The following RARB variants were observed in gnomAD, a reference collection of about 807,000 sequenced individuals.
The protein encoded by RARB is HBV-activated protein.
A neutral mutation model predicts 51.9 loss-of-function variants in RARB; 17 were observed. The observed-to-expected ratio is 0.33, with a 90% CI of 0.22 to 0.49. The LOEUF (loss-of-function observed/expected upper bound fraction) is 0.49, where lower values mean the gene tolerates loss of function less well. RARB is among the 20% of genes least tolerant of loss of function. The pLI, the probability that RARB is intolerant of heterozygous loss-of-function variation, is 0.99. For missense variants in RARB, 369 were observed against 550.8 expected (o/e 0.67, Z 3.30); for synonymous variants, 215 against 195.4 (o/e 1.10, Z -0.84).
At chr3:25,502,792 C>A (rs1367893925) in intron 3 of RARB, among the ~76,000 whole-genome samples, 1 of 152,138 alleles carries the variant, frequency 6.6e-6, no homozygotes, top group East Asian at 1.9e-4. Flanking sequence ...ATCCTCCAAT[C>A]CCCAGGGAAG....
intron 1 of RARB, among the ~76,000 whole-genome samples, chr3:24,845,976 G>A (rs1208767871): frequency 6.6e-6 from 1 of 152,174 alleles, no homozygotes; most frequent in East Asian, 1.9e-4. Flanking sequence ...TCTGCGAGAG[G>A]CAGAGTGCTT....
At chr3:24,900,061 A>G (rs1486837921) in intron 2 of RARB, among the ~76,000 whole-genome samples, 2 of 152,256 alleles carry the variant, frequency 1.3e-5, no homozygotes, top group African/African-American at 4.8e-5. Flanking sequence ...TGATGTTATA[A>G]GTGTCATGTA....
At chr3:24,980,068 C>G (rs919990470) in intron 2 of RARB, among the ~76,000 whole-genome samples, 27 of 152,262 alleles carry the variant, frequency 1.8e-4, no homozygotes, top group African/African-American at 6.5e-4. Flanking sequence ...GTTGAAAATT[C>G]TTTTCTTTAA....
chr3:25,186,495 A>G (rs1457637841), intron 5 of RARB, among the ~76,000 whole-genome samples: 1 of 152,142 alleles, frequency 6.6e-6, no homozygotes, highest in African/African-American at 2.4e-5. Context: ...AAGAATGTTT[A>G]TGGTAGCACT....
intron 2 of RARB, among the ~76,000 whole-genome samples, chr3:25,052,511 T>C: frequency 6.6e-6 from 1 of 152,336 alleles, no homozygotes; most frequent in African/African-American, 2.4e-5. Flanking sequence ...AAAATTTAAA[T>C]GTAAGTAGAT....
chr3:25,205,602 A>G (rs1215038733), intron 5 of RARB, among the ~76,000 whole-genome samples: 2 of 152,170 alleles, frequency 1.3e-5, no homozygotes, highest in East Asian at 1.9e-4. Flanking sequence ...AAAAAAATAA[A>G]TGCTTGAGGT....
intron 3 of RARB, among the ~76,000 whole-genome samples, chr3:25,565,345 G>C (rs1169685492): frequency 6.6e-6 from 1 of 152,102 alleles, no homozygotes; most frequent in Non-Finnish European, 1.5e-5. Flanking sequence ...TGAATAGAAG[G>C]CTTTATGATA....
At chr3:24,900,495 G>A (rs1400286654) in intron 2 of RARB, among the ~76,000 whole-genome samples, 1 of 152,210 alleles carries the variant, frequency 6.6e-6, no homozygotes, top group African/African-American at 2.4e-5. Context: ...CTGGAGCAAA[G>A]AATAATTGTC....
At chr3:25,248,912 A>G (rs1702636216) in intron 5 of RARB, among the ~76,000 whole-genome samples, 1 of 152,166 alleles carries the variant, frequency 6.6e-6, no homozygotes, top group African/African-American at 2.4e-5. Flanking sequence ...TCTGCCATGA[A>G]TAAGAGTTTT....
At chr3:25,013,371 A>G (rs550038733) in intron 2 of RARB, among the ~76,000 whole-genome samples, 3 of 152,098 alleles carry the variant, frequency 2.0e-5, no homozygotes, top group African/African-American at 4.8e-5. Context: ...TCCATCACAT[A>G]GATACCTAGA....
intron 3 of RARB, among the ~76,000 whole-genome samples, chr3:25,545,264 A>G (rs935333867): frequency 2.6e-5 from 4 of 152,038 alleles, no homozygotes; most frequent in African/African-American, 4.8e-5. Context: ...GGCATTTTCT[A>G]TCTGGCATAC....
chr3:25,054,880 G>A (rs1406367716), intron 2 of RARB, among the ~76,000 whole-genome samples: 1 of 152,136 alleles, frequency 6.6e-6, no homozygotes, highest in Non-Finnish European at 1.5e-5. Flanking sequence ...CTCGATTATT[G>A]AAAATGAATG....
intron 3 of RARB, among the ~76,000 whole-genome samples, chr3:25,536,458 G>T (rs1220460763): frequency 6.6e-6 from 1 of 152,194 alleles, no homozygotes; most frequent in Non-Finnish European, 1.5e-5. Flanking sequence ...TCATAAGCTA[G>T]CTTACAGTAA....
chr3:25,343,780 T>C (rs779237301), intron 5 of RARB, among the ~76,000 whole-genome samples: 9 of 152,180 alleles, frequency 5.9e-5, no homozygotes, highest in Non-Finnish European at 1.3e-4. Flanking sequence ...ATAATGATTA[T>C]CTAATTATTA....
chr3:24,836,183 C>A (rs1702342974), intron 1 of RARB, among the ~76,000 whole-genome samples: 2 of 152,140 alleles, frequency 1.3e-5, no homozygotes, highest in Non-Finnish European at 2.9e-5. Context: ...TGAACCTTGA[C>A]CACCAAGGAA....
At chr3:25,375,017 C>G (rs1072823) in intron 5 of RARB, among the ~76,000 whole-genome samples, 74,091 of 151,864 alleles carry the variant, frequency 0.49, 18,609 homozygotes, top group East Asian at 0.76. Flanking sequence ...CTTCCAGGCT[C>G]AGAATAGCCT....
chr3:25,446,561 T>A lies in RARB; in HGVS notation c.158-14632T>A, dbSNP rs1370529817. The stretch of plus-strand genomic sequence containing the variant: ...GCTCACGCCTGTAATCCCAGCACTT[T>A]GGGAGGCCGAGGCGGGCAGATCAAG... On this transcript the variant is annotated intron_variant, in intron 1 of 7. Coordinates refer to ENST00000330688, the MANE Select transcript of RARB (RefSeq NM_000965.5). 2.0e-5 allele frequency among the ~76,000 whole-genome samples: 3 copies of A among 152,132 alleles called. No individual in the cohort carries two copies. The East Asian group carries it at 5.8e-4, about 29-fold the overall frequency.
chr3:24,908,430 A>T (rs1174660653), intron 2 of RARB, among the ~76,000 whole-genome samples: 3 of 152,318 alleles, frequency 2.0e-5, no homozygotes, highest in Admixed American at 2.0e-4. Context: ...TACAGCTTCC[A>T]TCAAGGAAAA....
chr3:25,139,911 C>A (rs1700083449), intron 4 of RARB, among the ~76,000 whole-genome samples: 1 of 152,142 alleles, frequency 6.6e-6, no homozygotes, highest in South Asian at 2.1e-4. Context: ...TGTACCTGTG[C>A]TCTATAAGTG....
Sources: gnomAD v4.1 joint callset for allele counts (sites outside exome capture counted in the v4.1 genomes callset) on GRCh38, gnomAD v4.1.1 for gene constraint, MANE v1.5 for transcripts, NCBI Gene and HGNC (gene_info 2026-07-23, HGNC 2026-07-21) for gene names.